NSD2: variants seen among roughly 807,000 people sequenced by gnomAD.
NSD2 encodes histone-lysine N-methyltransferase NSD2.
In NSD2, 12 loss-of-function variants were observed where a neutral mutation model predicts 139.0. The observed-to-expected ratio is 0.09, with a 90% CI of 0.06 to 0.14. The LOEUF (loss-of-function observed/expected upper bound fraction) is 0.14. Ranked by LOEUF, NSD2 falls within the 10% of genes least tolerant of loss-of-function variation. The pLI, the probability that NSD2 is intolerant of heterozygous loss-of-function variation, is 1.00. For synonymous variants in NSD2, 669 were observed against 648.7 expected (o/e 1.03, Z -0.48); for missense variants, 1,155 against 1,745.0 (o/e 0.66, Z 6.02).
chr4:1,962,462 G>T (rs1054585387), intron 18 of NSD2, among the ~76,000 whole-genome samples: 10 of 152,164 alleles, frequency 6.6e-5, no homozygotes, highest in East Asian at 1.9e-4. Flanking sequence ...GCAAGAGAAT[G>T]ACTTGTGATG....
rs898940789 is a variant in NSD2, at chr4:1,918,761, G to A, written c.1410+138G>A. 1.5e-5 allele frequency: 18 copies of A among 1,220,020 alleles called. No individual in the cohort carries two copies. The African/African-American group carries it at 1.8e-4, about 12-fold the overall frequency. The allele number at this position is 1,220,020 out of a possible 1,614,324, so 75.6% of individuals were successfully genotyped here. A position where few individuals can be genotyped will look rare whatever the true frequency, so the allele number is the denominator to read the frequency against. On this transcript the variant is annotated intron_variant, in intron 5 of 21. Transcript: ENST00000508803. The stretch of plus-strand genomic sequence containing the variant: ...CATAGATTTTAGATCTAATAAATAA[G>A]TATTAGGGAACAGCCATTCTGACCC...
chr4:1,896,057 G>A (rs1157652714), intron 1 of NSD2, among the ~76,000 whole-genome samples: 1 of 152,252 alleles, frequency 6.6e-6, no homozygotes, highest in African/African-American at 2.4e-5. Context: ...GACATGGAGT[G>A]AGGATGAGTG....
chr4:1,900,587 T>C (rs1717016959), intron 1 of NSD2, 39 bp from the exon 2 acceptor site: 30 of 1,388,984 alleles, frequency 2.2e-5, no homozygotes, highest in Non-Finnish European at 2.7e-5. Flanking sequence ...TTAAATGTAA[T>C]TGCTTTTTCT....
intron 1 of NSD2, among the ~76,000 whole-genome samples, chr4:1,873,013 A>G (rs1713984557): frequency 6.6e-6 from 1 of 152,220 alleles, no homozygotes; most frequent in Non-Finnish European, 1.5e-5. Flanking sequence ...GTGTGCTCTC[A>G]TTCCCCACAA....
At chr4:1,941,150 C>T in intron 9 of NSD2, 1 of 1,054,256 alleles carries the variant, frequency 9.5e-7, no homozygotes, top group Non-Finnish European at 1.1e-6. Flanking sequence ...TCCTTTCTTT[C>T]TTGTCCAAGT....
intron 5 of NSD2, among the ~76,000 whole-genome samples, chr4:1,922,963 A>G (rs1216223748): frequency 6.6e-6 from 1 of 152,040 alleles, no homozygotes; most frequent in Non-Finnish European, 1.5e-5. Flanking sequence ...CAGGGCAGTG[A>G]TATGGCCCAA....
At position 1,942,421 on chromosome 4, in the gene NSD2, A is replaced by G. The variant is rs1723193681; in HGVS notation, c.1881+2643A>G. ...ACTTAGAATGATGTAATATTCCAGG[A>G]TGCTGCTGCAGGTGGCGTATCATCG... is the stretch of plus-strand genomic sequence containing the variant. On this transcript the variant is annotated intron_variant, in intron 9 of 21. Transcript: ENST00000508803. The surrounding 1 kb of genome is among the most constrained non-coding windows in gnomAD (Gnocchi z 4.0). 1.2e-6 allele frequency: 2 copies of G among 1,604,774 alleles called. No homozygotes were observed. Among genetic ancestry groups the G allele is most frequent in the Non-Finnish European group, 8.5e-7 (1 of 1,176,926 alleles).
intron 9 of NSD2, chr4:1,947,974 G>T: frequency 3.8e-6 from 4 of 1,057,046 alleles, no homozygotes; most frequent in Non-Finnish European, 4.6e-6. Context: ...GCTTTTAGCA[G>T]TTGGCTGGAA....
intron 18 of NSD2, among the ~76,000 whole-genome samples, chr4:1,968,868 A>G (rs1174107436): frequency 6.6e-6 from 1 of 152,224 alleles, no homozygotes; most frequent in Non-Finnish European, 1.5e-5. Context: ...TGTTCAAAGA[A>G]AAAACTAAGA....
chr4:1,961,573 G>A (rs1201534833), intron 18 of NSD2, among the ~76,000 whole-genome samples: 1 of 152,216 alleles, frequency 6.6e-6, no homozygotes, highest in Non-Finnish European at 1.5e-5. Flanking sequence ...TTGCTTGGTT[G>A]TTGCTTGTAT....
At chr4:1,909,723 C>T (rs896916858) in intron 3 of NSD2, among the ~76,000 whole-genome samples, 2 of 151,658 alleles carry the variant, frequency 1.3e-5, no homozygotes, top group Non-Finnish European at 2.9e-5. Context: ...TCACTGCAAC[C>T]TCCATTTCCC....
At chr4:1,939,201 TAA>T (rs539648507) in intron 8 of NSD2, 25 of 149,082 alleles carry the variant, frequency 1.7e-4, no homozygotes, top group South Asian at 3.9e-4. Flanking sequence ...AAACAGACTT[TAA>T]AAAAAAAAAA....
chr4:1,940,099 G>C, intron 9 of NSD2: 1 of 1,184,884 alleles, frequency 8.4e-7, no homozygotes, highest in Non-Finnish European at 1.1e-6. Flanking sequence ...CACACTGTAA[G>C]AGTTCACATG....
intron 18 of NSD2, among the ~76,000 whole-genome samples, chr4:1,969,797 A>G (rs1726256331): frequency 6.6e-6 from 1 of 152,256 alleles, no homozygotes; most frequent in Non-Finnish European, 1.5e-5. Context: ...CACAAAGTAG[A>G]TAAAAGTTAT....
chr4:1,967,857 C>A (rs1419636318), intron 18 of NSD2, among the ~76,000 whole-genome samples: 3 of 152,108 alleles, frequency 2.0e-5, no homozygotes, highest in Non-Finnish European at 4.4e-5. Flanking sequence ...TCTGGCATCT[C>A]ATTGTAACCA....
intron 3 of NSD2, among the ~76,000 whole-genome samples, chr4:1,906,359 C>T (rs1053246537): frequency 6.6e-6 from 1 of 151,876 alleles, no homozygotes; most frequent in Non-Finnish European, 1.5e-5. Context: ...CCATCTCAGC[C>T]TCCTGAGTAG....
At position 1,980,379 on chromosome 4, in the gene NSD2, G is replaced by C. The variant is rs1727638708; in HGVS notation, c.*1470G>C. 1 of 233,144 alleles carries C rather than the reference G, an allele frequency of 4.3e-6. No homozygotes were observed. The allele number at this position is 233,144 out of a possible 1,614,324, so 14.4% of individuals were successfully genotyped here. On this transcript the variant is annotated 3_prime_UTR_variant, in exon 22 of 22. Transcript: ENST00000508803. ...TGAGGGGCTGCTTGTCTGGGAGGGA[G>C]GGAGAGAACATTCAGCAGCAGGTGC...
At chr4:1,959,354 T>A in intron 16 of NSD2, 117 bp from the exon 17 acceptor site, 1 of 1,220,368 alleles carries the variant, frequency 8.2e-7, no homozygotes, top group Non-Finnish European at 1.2e-6. Context: ...TAGCCAGGAC[T>A]CTGAAGCTTT....
chr4:1,947,062 T>G, intron 9 of NSD2: 1 of 1,064,224 alleles, frequency 9.4e-7, no homozygotes. Flanking sequence ...TGCTCAGCAC[T>G]GTGCCAGTGG....
Sources: gnomAD v4.1 joint callset for allele counts (sites outside exome capture counted in the v4.1 genomes callset) on GRCh38, gnomAD v4.1.1 for gene constraint, Gnocchi (gnomAD v3.1) non-coding constraint, MANE v1.5 for transcripts, NCBI Gene and HGNC (gene_info 2026-07-23, HGNC 2026-07-21) for gene names.